FBLN2: variants seen among roughly 807,000 people sequenced by gnomAD.
FBLN2 encodes the protein fibulin 2, also known as fibulin-2.
FBLN2 carries 81 observed loss-of-function variants against 123.7 expected under a neutral mutation model. The observed-to-expected ratio is 0.65, with a 90% CI of 0.55 to 0.79. The LOEUF (loss-of-function observed/expected upper bound fraction) is 0.79. FBLN2 is among the 30% of genes least tolerant of loss of function. FBLN2 has a pLI of 0.00. For synonymous variants in FBLN2, 699 were observed against 701.4 expected, an observed-to-expected ratio of 1.00 and a Z score of 0.05; for missense variants, 1,603 against 1,681.3, an observed-to-expected ratio of 0.95 and a Z score of 0.81.
intron 2 of FBLN2, among the ~76,000 whole-genome samples, chr3:13,598,103 G>A (rs568833417): frequency 3.3e-5 from 5 of 152,352 alleles, no homozygotes; most frequent in South Asian, 2.1e-4. Context: ...CAGGGTAGGC[G>A]TGGCTGAAGG....
rs966768181 is a variant in FBLN2 at position 13,614,953 on chromosome 3, C to T, written c.1729+789C>T. Among the ~76,000 whole-genome samples, 5 of 150,814 alleles carry T rather than the reference C, an allele frequency of 3.3e-5. No individual in the cohort carries two copies. The East Asian group carries it at 9.8e-4, about 30-fold the overall frequency. On this transcript the variant is annotated intron_variant, in intron 5 of 17. Coordinates refer to ENST00000404922, the MANE Select transcript of FBLN2 (RefSeq NM_001004019.2). ...CCATCCATCCATCCACCCACCCATCCGTCTGTTCATCCATCTGCTTATCCA... is the reference window on the plus strand; with the variant it reads ...CCATCCATCCATCCACCCACCCATCTGTCTGTTCATCCATCTGCTTATCCA...
Position 13,629,880 on chromosome 3 carries a change from T to C in FBLN2, c.2903T>C (p.Leu968Pro). The C allele has an allele frequency of 6.3e-7, 1 of 1,599,656 alleles. No homozygotes were observed. Among genetic ancestry groups the C allele is most frequent in the East Asian group, 2.3e-5 (1 of 44,148 alleles). ...TGCCAGCACACGTGTGAGAACACAC[T>C]CGGCTCCTACCGCTGTTCCTGCGCC... ...RLCQHTCENTLGSYRCSCASG... is the reference protein window; with the variant it reads ...RLCQHTCENTPGSYRCSCASG... Residue 968 changes from leucine (L) to proline (P), a missense_variant, in exon 14 of 18, where the codon CTC becomes CCC. By Grantham distance (98) the Leu-to-Pro change is moderately conservative. Coordinates refer to ENST00000404922, the MANE Select transcript of FBLN2 (RefSeq NM_001004019.2).
intron 2 of FBLN2, among the ~76,000 whole-genome samples, chr3:13,580,381 G>A (rs1574957973): frequency 6.6e-6 from 1 of 152,124 alleles, no homozygotes; most frequent in Non-Finnish European, 1.5e-5. Context: ...CTATTCATGC[G>A]ACAAATATTT....
chr3:13,592,145 C>T (rs1574966503), intron 2 of FBLN2, among the ~76,000 whole-genome samples: 1 of 152,082 alleles, frequency 6.6e-6, no homozygotes, highest in East Asian at 1.9e-4. Context: ...TCTGCCTCAG[C>T]CTCCCGAGTA....
At position 13,611,100 on chromosome 3, in the gene FBLN2, C is replaced by T. The variant is rs570723014; in HGVS notation, c.1548+1458C>T. The stretch of plus-strand genomic sequence containing the variant: ...TTTTTTGTGTTTTTAGTAGAGCATA[C>T]GCCACCATGCTTGGTTTTGTATTTT... On this transcript the variant is annotated intron_variant, in intron 4 of 17. Coordinates refer to ENST00000404922, the MANE Select transcript of FBLN2 (RefSeq NM_001004019.2). 9.2e-5 allele frequency among the ~76,000 whole-genome samples: 14 copies of T among 151,928 alleles called. No individual in the cohort carries two copies. The South Asian group carries it at 1.7e-3, about 18-fold the overall frequency.
At chr3:13,556,999 T>C (rs1164830338) in intron 1 of FBLN2, among the ~76,000 whole-genome samples, 1 of 152,270 alleles carries the variant, frequency 6.6e-6, no homozygotes, top group Non-Finnish European at 1.5e-5. Context: ...TCTCTCGAAA[T>C]GAGGCCCGCC....
chr3:13,552,081 C>A (rs770230494), intron 1 of FBLN2, among the ~76,000 whole-genome samples: 1 of 152,114 alleles, frequency 6.6e-6, no homozygotes, highest in African/African-American at 2.4e-5. Context: ...TCAAGTGATC[C>A]TCACTCACAG....
intron 1 of FBLN2, among the ~76,000 whole-genome samples, chr3:13,568,455 CTGGG>C (rs1405701081): frequency 6.6e-6 from 1 of 152,250 alleles, no homozygotes; most frequent in Admixed American, 6.5e-5. Context: ...CAGTGGGCAG[CTGGG>C]TGGGTCCCTT....
rs1055060182 is a variant in FBLN2, at chr3:13,570,919, C to A, written c.564C>A (p.Asp188Glu). Residue 188 changes from aspartate (D) to glutamate (E), a missense_variant, in exon 2 of 18, where the codon GAC becomes GAA. Asp to Glu is a conservative substitution (Grantham distance 45, BLOSUM62 2). Transcript: ENST00000404922. ...ACTTCTCAGATGCCGAGGAGGGTGA[C>A]CCCGAGCGACACTACGAAGACCCCT... ...HGNFSDAEEG[D>E]PERHYEDPYS... 5 of 1,612,746 alleles carry A rather than the reference C, an allele frequency of 3.1e-6. No individual in the cohort carries two copies. Among genetic ancestry groups the A allele is most frequent in the African/African-American group, 2.7e-5 (2 of 74,922 alleles).
chr3:13,557,922 G>A (rs1316054265), intron 1 of FBLN2, among the ~76,000 whole-genome samples: 2 of 152,228 alleles, frequency 1.3e-5, no homozygotes, highest in African/African-American at 4.8e-5. Context: ...CCTGCTGGCT[G>A]TCTCCCTTGG....
intron 4 of FBLN2, 50 bp downstream of exon 4, chr3:13,609,692 G>GGGGGGGGGC: frequency 5.7e-5 from 29 of 508,378 alleles, no homozygotes; most frequent in Non-Finnish European, 9.0e-5. Flanking sequence ...GGCGGGGCGG[G>GGGGGGGGGC]AGGCTGGCCT....
intron 2 of FBLN2, among the ~76,000 whole-genome samples, chr3:13,581,508 G>A (rs1402504992): frequency 2.0e-5 from 3 of 152,058 alleles, no homozygotes; most frequent in South Asian, 2.1e-4. Context: ...GGTAGTATGC[G>A]TGCCGTAAAC....
At chr3:13,565,600 T>A (rs1354647731) in intron 1 of FBLN2, among the ~76,000 whole-genome samples, 1 of 152,254 alleles carries the variant, frequency 6.6e-6, no homozygotes, top group Non-Finnish European at 1.5e-5. Flanking sequence ...GTCTCCTGCC[T>A]ATTTTTTAAT....
In FBLN2 at chr3:13,637,911, G is replaced by T. The variant is rs754596849; in HGVS notation, c.3688G>T (p.Ala1230Ser). The T allele has an allele frequency of 6.3e-7, 1 of 1,582,706 alleles. No individual in the cohort carries two copies. Residue 1230 changes from alanine (A) to serine (S), a missense_variant, in exon 18 of 18, where the codon GCC becomes TCC. Coordinates refer to ENST00000404922, the MANE Select transcript of FBLN2 (RefSeq NM_001004019.2). ...AKMHIFFTTF[A>S]L is the part of the protein sequence containing the mutation. ...GATGCACATCTTCTTCACCACCTTT[G>T]CCCTGTGAGGTGCCAGCACGGGCCA...
intron 1 of FBLN2, among the ~76,000 whole-genome samples, chr3:13,565,599 C>T (rs1450539666): frequency 1.3e-5 from 2 of 152,220 alleles, no homozygotes; most frequent in Non-Finnish European, 2.9e-5. Flanking sequence ...TGTCTCCTGC[C>T]TATTTTTTAA....
At position 13,571,321 on chromosome 3, in the gene FBLN2, G is replaced by GAGGGCAGAAGCTGGGGCA. The variant is rs745862972; in HGVS notation, c.988_1005dup (p.Ala330_Arg335dup). The stretch of plus-strand genomic sequence containing the variant: ...GACCCAGTCTTCCTATCCAGGAGGA[G>GAGGGCAGAAGCTGGGGCA]AGGGCAGAAGCTGGGGCAAGGGCAG... On this transcript the variant is annotated inframe_insertion, in exon 2 of 18. Transcript: ENST00000404922. 8.7e-6 allele frequency: 14 copies of GAGGGCAGAAGCTGGGGCA among 1,603,070 alleles called. No homozygotes were observed. The highest frequency in any genetic ancestry group is 2.7e-5 in the African/African-American group (2 of 74,758).
At chr3:13,632,911 A>C (rs1410973099) in intron 16 of FBLN2, among the ~76,000 whole-genome samples, 1 of 152,120 alleles carries the variant, frequency 6.6e-6, no homozygotes, top group East Asian at 1.9e-4. Flanking sequence ...TCAGCTCGGC[A>C]GGAAATATGG....
At chr3:13,606,250 T>C (rs1705199700) in intron 2 of FBLN2, among the ~76,000 whole-genome samples, 1 of 152,190 alleles carries the variant, frequency 6.6e-6, no homozygotes, top group Non-Finnish European at 1.5e-5. Flanking sequence ...TTTTCAGGAG[T>C]TTATTATGTT....
At position 13,633,341 on chromosome 3, in the gene FBLN2, G is replaced by C. The variant is rs558468724; in HGVS notation, c.3214+1884G>C. ...CTGTGTTGAAGAACTGGCGAGGCCA[G>C]GTCCCCTCTGCAGGCCCCCAGTGTG... is the stretch of plus-strand genomic sequence containing the variant. On this transcript the variant is annotated intron_variant, in intron 16 of 17. Coordinates refer to ENST00000404922, the MANE Select transcript of FBLN2 (RefSeq NM_001004019.2). Among the ~76,000 whole-genome samples, 8 of 152,398 alleles carry C rather than the reference G, an allele frequency of 5.2e-5. No individual in the cohort carries two copies. In the East Asian group the frequency reaches 1.5e-3, roughly 29 times the overall value.
Sources: gnomAD v4.1 joint callset for allele counts (sites outside exome capture counted in the v4.1 genomes callset) on GRCh38, gnomAD v4.1.1 for gene constraint, MANE v1.5 for transcripts, NCBI Gene and HGNC (gene_info 2026-07-23, HGNC 2026-07-21) for gene names.